The following ZBTB16 variants were observed in gnomAD, a reference collection of about 807,000 sequenced individuals.
ZBTB16 encodes zinc finger and BTB domain containing 16.
ZBTB16 carries 8 observed loss-of-function variants against 56.8 expected under a neutral mutation model. The observed-to-expected ratio is 0.14, with a 90% CI of 0.08 to 0.25. The LOEUF (loss-of-function observed/expected upper bound fraction) is 0.25. Ranked by LOEUF, ZBTB16 falls within the 10% of genes least tolerant of loss-of-function variation. The pLI is 1.00. For missense variants in ZBTB16, 625 were observed against 903.0 expected, an observed-to-expected ratio of 0.69 and a Z score of 3.95; for synonymous variants, 363 against 368.5, an observed-to-expected ratio of 0.98 and a Z score of 0.17.
intron 4 of ZBTB16, among the ~76,000 whole-genome samples, chr11:114,205,283 G>C (rs931747461): frequency 2.0e-5 from 3 of 151,946 alleles, no homozygotes; most frequent in African/African-American, 7.3e-5. Context: ...AGTGGTGGGC[G>C]CCTGTAGTCC....
intron 2 of ZBTB16, among the ~76,000 whole-genome samples, chr11:114,136,089 T>C (rs1368313260): frequency 6.6e-6 from 1 of 152,168 alleles, no homozygotes; most frequent in Admixed American, 6.5e-5. Flanking sequence ...TTGAATTCAT[T>C]AGGCTTGGAC....
intron 4 of ZBTB16, among the ~76,000 whole-genome samples, chr11:114,198,266 G>A (rs989479199): frequency 2.0e-5 from 3 of 152,240 alleles, no homozygotes; most frequent in Admixed American, 6.5e-5. Context: ...GCCGCGGAAC[G>A]TCATAGGCAC....
chr11:114,150,018 G>A (rs886634931), intron 2 of ZBTB16, among the ~76,000 whole-genome samples: 38 of 152,336 alleles, frequency 2.5e-4, no homozygotes, highest in African/African-American at 8.9e-4. Flanking sequence ...TAAAGACATA[G>A]TTCTTGCCCC....
intron 3 of ZBTB16, among the ~76,000 whole-genome samples, chr11:114,182,371 C>T (rs1943269423): frequency 6.6e-6 from 1 of 152,144 alleles, no homozygotes; most frequent in Admixed American, 6.5e-5. Context: ...ATTTATTTCT[C>T]TTTTTATCAC....
chr11:114,205,341 T>C (rs1208412177), intron 4 of ZBTB16, among the ~76,000 whole-genome samples: 1 of 146,034 alleles, frequency 6.8e-6, no homozygotes, highest in Non-Finnish European at 1.5e-5. Flanking sequence ...ACCCGGGAGG[T>C]GGAGCTTGCA....
intron 2 of ZBTB16, among the ~76,000 whole-genome samples, chr11:114,134,299 G>A (rs909167): frequency 0.39 from 58,699 of 151,954 alleles, 11,878 homozygotes; most frequent in African/African-American, 0.51. Context: ...TGGTTGCATT[G>A]CTGCCAAACA....
chr11:114,225,338 GA>G (rs1263482367), intron 4 of ZBTB16, among the ~76,000 whole-genome samples: 2 of 152,148 alleles, frequency 1.3e-5, no homozygotes, highest in African/African-American at 4.8e-5. Context: ...GCACCTCCTA[GA>G]GGGGGCCTAA....
intron 2 of ZBTB16, among the ~76,000 whole-genome samples, chr11:114,130,274 C>T (rs1440585050): frequency 6.6e-6 from 1 of 152,188 alleles, no homozygotes; most frequent in East Asian, 1.9e-4. Context: ...TGGACTCCGC[C>T]AGCTGCATTG....
At chr11:114,244,259 G>T (rs1017081152) in intron 5 of ZBTB16, among the ~76,000 whole-genome samples, 10 of 151,928 alleles carry the variant, frequency 6.6e-5, no homozygotes, top group African/African-American at 1.9e-4. Flanking sequence ...GAAGGGAGGG[G>T]CTGGAAGGGA....
At chr11:114,145,136 G>T (rs1410053373) in intron 2 of ZBTB16, among the ~76,000 whole-genome samples, 1 of 152,238 alleles carries the variant, frequency 6.6e-6, no homozygotes, top group Non-Finnish European at 1.5e-5. Flanking sequence ...GGCTTTTACA[G>T]CAGAGGAAAT....
chr11:114,118,519 TTATC>T (rs771952372), intron 2 of ZBTB16, among the ~76,000 whole-genome samples: 3 of 152,142 alleles, frequency 2.0e-5, no homozygotes, highest in African/African-American at 4.8e-5. Context: ...ATTTATCTGT[TTATC>T]TATTTATTTG....
chr11:114,210,216 G>A (rs1203412479), intron 4 of ZBTB16, among the ~76,000 whole-genome samples: 7 of 148,200 alleles, frequency 4.7e-5, no homozygotes, highest in Non-Finnish European at 1.5e-5. Flanking sequence ...TGCACAGTTT[G>A]TGAGTGTCGG....
At chr11:114,065,688 T>C (rs984742229) in intron 2 of ZBTB16, among the ~76,000 whole-genome samples, 7 of 152,226 alleles carry the variant, frequency 4.6e-5, no homozygotes, top group Admixed American at 4.6e-4. Flanking sequence ...AGTGCTGGAT[T>C]ACAGGTATGA....
chr11:114,230,631 T>G (rs374330934), intron 4 of ZBTB16, among the ~76,000 whole-genome samples: 124 of 102,392 alleles, frequency 1.2e-3, no homozygotes, highest in South Asian at 1.5e-3. Context: ...TCATCTTCTG[T>G]GGGGGGGGGG....
At chr11:114,179,272 GAGAGAGCT>G (rs1458249888) in intron 3 of ZBTB16, among the ~76,000 whole-genome samples, 2 of 91,220 alleles carry the variant, frequency 2.2e-5, no homozygotes, top group African/African-American at 7.8e-5. Context: ...AAGAGCAAGA[GAGAGAGCT>G]AGAGAGAGAG....
intron 2 of ZBTB16, among the ~76,000 whole-genome samples, chr11:114,144,866 A>G (rs1386540805): frequency 1.3e-5 from 2 of 152,220 alleles, no homozygotes; most frequent in Non-Finnish European, 2.9e-5. Flanking sequence ...CTGTTCAAGG[A>G]AGGTGCATTA....
At chr11:114,158,063 C>T (rs143051973) in intron 3 of ZBTB16, among the ~76,000 whole-genome samples, 13 of 152,212 alleles carry the variant, frequency 8.5e-5, no homozygotes, top group Admixed American at 2.6e-4. Context: ...CAGCTTTGTA[C>T]GCTACTTAAG....
chr11:114,154,453 C>T, intron 2 of ZBTB16, among the ~76,000 whole-genome samples: 1 of 152,194 alleles, frequency 6.6e-6, no homozygotes, highest in East Asian at 1.9e-4. Context: ...TCTCTTAGAA[C>T]AGCAAGTATC....
In ZBTB16 at chr11:114,251,287, T is replaced by C. The variant is rs12793024; in HGVS notation, c.*732T>C. Among the ~76,000 whole-genome samples, 13,063 of 152,098 alleles carry C rather than the reference T, an allele frequency of 0.086. 797 individuals are homozygous for C. Among genetic ancestry groups the C allele is most frequent in the East Asian group, 0.19 (960 of 5,144 alleles). On this transcript the variant is annotated 3_prime_UTR_variant, in exon 7 of 7. Coordinates refer to ENST00000335953, the MANE Select transcript of ZBTB16 (RefSeq NM_006006.6). ...GGACCTGGCGGTGTCTCCATCCTTC[T>C]CCGGTTCCCTAGTGGGATAGCTGCC...
Sources: allele counts gnomAD v4.1 joint callset (sites outside exome capture counted in the v4.1 genomes callset), GRCh38; gene constraint gnomAD v4.1.1; transcripts MANE v1.5; gene names NCBI Gene and HGNC (gene_info 2026-07-23, HGNC 2026-07-21).